KCNQ5: variants seen among roughly 807,000 people sequenced by gnomAD.
KCNQ5 encodes potassium voltage-gated channel subfamily Q member 5.
KCNQ5 carries 30 observed loss-of-function variants against 98.2 expected under a neutral mutation model. That is an observed-to-expected ratio of 0.31 (90% CI 0.23 to 0.41). KCNQ5 has a LOEUF of 0.41. KCNQ5 is among the 10% of genes least tolerant of loss of function. The pLI, the probability that KCNQ5 is intolerant of heterozygous loss-of-function variation, is 1.00. For missense variants in KCNQ5, 835 were observed against 1,182.5 expected (o/e 0.71, Z 4.31); for synonymous variants, 458 against 449.4 (o/e 1.02, Z -0.24).
At chr6:72,699,951 T>C (rs1041548313) in intron 1 of KCNQ5, among the ~76,000 whole-genome samples, 1 of 152,188 alleles carries the variant, frequency 6.6e-6, no homozygotes. Context: ...TTGTTCCTTA[T>C]TGTTCCTTCT....
chr6:73,115,335 C>G (rs1007576357), intron 7 of KCNQ5, among the ~76,000 whole-genome samples: 3 of 152,074 alleles, frequency 2.0e-5, no homozygotes, highest in African/African-American at 7.2e-5. Flanking sequence ...ATAAAGATGT[C>G]TCAGCTCAAG....
chr6:72,755,508 C>A (rs1771916126), intron 1 of KCNQ5, among the ~76,000 whole-genome samples: 1 of 151,940 alleles, frequency 6.6e-6, no homozygotes, highest in African/African-American at 2.4e-5. Flanking sequence ...TTCCTCTTTT[C>A]AAATATTTTT....
intron 1 of KCNQ5, among the ~76,000 whole-genome samples, chr6:72,731,681 C>G (rs1284857851): frequency 9.2e-5 from 14 of 152,172 alleles, no homozygotes; most frequent in African/African-American, 3.4e-4. Flanking sequence ...AGCCGGTTCT[C>G]TTCTAATACT....
chr6:73,036,888 G>A (rs1317405164), intron 2 of KCNQ5, among the ~76,000 whole-genome samples: 2 of 152,140 alleles, frequency 1.3e-5, no homozygotes, highest in Non-Finnish European at 2.9e-5. Context: ...TGAGTCATAT[G>A]GTAACTATAT....
chr6:72,677,776 T>A (rs1228401278), intron 1 of KCNQ5, among the ~76,000 whole-genome samples: 3 of 152,228 alleles, frequency 2.0e-5, no homozygotes, highest in African/African-American at 2.4e-5. Context: ...ATAGAATAGA[T>A]GTAACTCTAT....
chr6:73,009,791 C>T (rs970072066), intron 2 of KCNQ5, among the ~76,000 whole-genome samples: 1 of 152,066 alleles, frequency 6.6e-6, no homozygotes. Context: ...TGGACAAATT[C>T]GTGAAAACAC....
chr6:72,878,507 C>T (rs1344074646), intron 1 of KCNQ5, among the ~76,000 whole-genome samples: 4 of 152,066 alleles, frequency 2.6e-5, no homozygotes, highest in Non-Finnish European at 1.5e-5. Flanking sequence ...TCAAATACAA[C>T]TTTGTTTTCT....
chr6:72,823,057 T>C (rs1775827294), intron 1 of KCNQ5, among the ~76,000 whole-genome samples: 1 of 152,090 alleles, frequency 6.6e-6, no homozygotes, highest in Non-Finnish European at 1.5e-5. Flanking sequence ...CTTAATCACT[T>C]CTCCAAAGTC....
At chr6:73,168,869 CAG>C (rs796399353) in intron 10 of KCNQ5, among the ~76,000 whole-genome samples, 19 of 152,210 alleles carry the variant, frequency 1.2e-4, no homozygotes, top group African/African-American at 4.1e-4. Context: ...TTCAGATATG[CAG>C]AGAGTTTTTT....
intron 1 of KCNQ5, among the ~76,000 whole-genome samples, chr6:72,895,671 G>A (rs1406870548): frequency 6.7e-6 from 1 of 148,736 alleles, no homozygotes; most frequent in East Asian, 1.9e-4. Flanking sequence ...ATTATTTAGA[G>A]TCAACATATA....
chr6:73,167,857 T>C (rs547846857), intron 10 of KCNQ5, among the ~76,000 whole-genome samples: 2 of 152,278 alleles, frequency 1.3e-5, no homozygotes, highest in South Asian at 4.2e-4. Flanking sequence ...AGCCCTTCTA[T>C]AAGGTCGCTA....
intron 1 of KCNQ5, among the ~76,000 whole-genome samples, chr6:72,632,804 C>T (rs1173954752): frequency 7.0e-6 from 1 of 143,164 alleles, no homozygotes; most frequent in African/African-American, 2.5e-5. Context: ...TGTATATGTA[C>T]CATTTTTTTT....
intron 1 of KCNQ5, among the ~76,000 whole-genome samples, chr6:72,988,718 A>C (rs1365538592): frequency 1.6e-5 from 2 of 125,704 alleles, no homozygotes; most frequent in African/African-American, 6.1e-5. Flanking sequence ...GGTTAGTTAC[A>C]TATGTATACA....
chr6:73,014,517 G>C (rs999983322), intron 2 of KCNQ5, among the ~76,000 whole-genome samples: 1 of 151,992 alleles, frequency 6.6e-6, no homozygotes, highest in Admixed American at 6.6e-5. Flanking sequence ...ACTCTATCCA[G>C]GCTTTCCCAA....
chr6:73,120,894 A>G (rs1342917418), intron 8 of KCNQ5, among the ~76,000 whole-genome samples: 3 of 152,218 alleles, frequency 2.0e-5, no homozygotes, highest in African/African-American at 2.4e-5. Flanking sequence ...TAAGCACCAC[A>G]GTTCTTGAAA....
chr6:73,139,024 C>T (rs941071122), intron 10 of KCNQ5, among the ~76,000 whole-genome samples: 6 of 152,212 alleles, frequency 3.9e-5, no homozygotes, highest in African/African-American at 1.2e-4. Context: ...TCCACAGAGC[C>T]TCAGGGCTCT....
At chr6:72,697,145 T>C (rs768310530) in intron 1 of KCNQ5, among the ~76,000 whole-genome samples, 46 of 152,238 alleles carry the variant, frequency 3.0e-4, no homozygotes, top group African/African-American at 1.1e-3. Flanking sequence ...AGTTTTGTGA[T>C]TTCATTCTCC....
intron 1 of KCNQ5, among the ~76,000 whole-genome samples, chr6:72,881,745 G>T (rs1285217173): frequency 6.6e-6 from 1 of 152,152 alleles, no homozygotes; most frequent in Non-Finnish European, 1.5e-5. Flanking sequence ...AGGCTGGAGT[G>T]CAGTGGCATG....
intron 11 of KCNQ5, among the ~76,000 whole-genome samples, chr6:73,177,100 A>G (rs546074983): frequency 6.6e-6 from 1 of 152,248 alleles, no homozygotes; most frequent in African/African-American, 2.4e-5. Context: ...TAGGAGGCAG[A>G]TGTCAACGCT....
Sources: allele counts gnomAD v4.1 joint callset (sites outside exome capture counted in the v4.1 genomes callset), GRCh38; gene constraint gnomAD v4.1.1; transcripts MANE v1.5; gene names NCBI Gene and HGNC (gene_info 2026-07-23, HGNC 2026-07-21).